Variants in PTK2B observed in about 807,000 individuals in gnomAD.
The protein encoded by PTK2B is protein tyrosine kinase 2 beta.
PTK2B carries 71 observed loss-of-function variants against 142.9 expected under a neutral mutation model. That is an observed-to-expected ratio of 0.50 (90% CI 0.41 to 0.61). The LOEUF (loss-of-function observed/expected upper bound fraction) is 0.61. Ranked by LOEUF, PTK2B falls within the 20% of genes least tolerant of loss-of-function variation. The probability of loss-of-function intolerance (pLI) is 0.00; values close to 1 mark genes in which losing one functional copy is unlikely to be tolerated. For synonymous variants in PTK2B, 519 were observed against 503.4 expected (o/e 1.03, Z -0.42); for missense variants, 1,105 against 1,320.4 (o/e 0.84, Z 2.53).
At chr8:27,350,993 ATATATATAT>A (rs1563210934) in intron 1 of PTK2B, among the ~76,000 whole-genome samples, 220 of 11,458 alleles carry the variant, frequency 0.019, 71 homozygotes, top group South Asian at 0.089. Context: ...AAAAAAAAAT[ATATATATAT>A]ATATATATAT....
intron 5 of PTK2B, among the ~76,000 whole-genome samples, chr8:27,428,244 A>C (rs1159060034): frequency 6.6e-6 from 1 of 152,242 alleles, no homozygotes; most frequent in Non-Finnish European, 1.5e-5. Flanking sequence ...GATGGGAGAC[A>C]GCTGTAAATA....
chr8:27,450,061 C>G (rs1479285877), intron 24 of PTK2B, among the ~76,000 whole-genome samples: 1 of 152,214 alleles, frequency 6.6e-6, no homozygotes, highest in East Asian at 1.9e-4. Flanking sequence ...TATTTTATCT[C>G]TTAGCTCATG....
At chr8:27,332,879 C>T (rs1586094859) in intron 1 of PTK2B, among the ~76,000 whole-genome samples, 2 of 152,310 alleles carry the variant, frequency 1.3e-5, no homozygotes, top group Non-Finnish European at 2.9e-5. Flanking sequence ...ACTTCTTCCC[C>T]CTAATTTGAG....
intron 24 of PTK2B, among the ~76,000 whole-genome samples, chr8:27,449,538 C>T (rs2132422132): frequency 6.6e-6 from 1 of 152,324 alleles, no homozygotes; most frequent in Non-Finnish European, 1.5e-5. Flanking sequence ...GACCTGTATG[C>T]AAATGGCCAC....
intron 1 of PTK2B, among the ~76,000 whole-genome samples, chr8:27,326,074 G>T (rs1012756919): frequency 6.6e-5 from 10 of 152,010 alleles, no homozygotes; most frequent in African/African-American, 2.4e-4. Flanking sequence ...GCTCCCTCCC[G>T]GGCCCTTCCG....
In PTK2B at chr8:27,451,430, G is replaced by A. The variant is rs1325717002; in HGVS notation, c.2524-55G>A. On this transcript the variant is annotated intron_variant, in intron 26 of 30. Transcript: ENST00000346049. ...TGGGGAATGGGTAACCAGGGAGGGG[G>A]TTGTCTCCACAGCCGCATGAGTGAC... 4.3e-6 allele frequency: 7 copies of A among 1,610,098 alleles called. No individual in the cohort carries two copies. In the Admixed American group the frequency reaches 6.7e-5, roughly 15 times the overall value.
chr8:27,352,904 G>A (rs1369452853), intron 1 of PTK2B, among the ~76,000 whole-genome samples: 1 of 152,168 alleles, frequency 6.6e-6, no homozygotes, highest in Non-Finnish European at 1.5e-5. Context: ...TTTATCAGCA[G>A]TGTGAAAATG....
intron 10 of PTK2B, 127 bp downstream of exon 10, chr8:27,432,488 G>T: frequency 1.2e-6 from 1 of 816,494 alleles, no homozygotes; most frequent in South Asian, 1.8e-5. Context: ...TTTGGGGATC[G>T]TGTTAAGAAA....
intron 2 of PTK2B, among the ~76,000 whole-genome samples, chr8:27,411,250 G>T (rs905271163): frequency 6.6e-6 from 1 of 152,172 alleles, no homozygotes; most frequent in African/African-American, 2.4e-5. Context: ...TGCTTGAGAA[G>T]CTGTTTACAT....
chr8:27,404,564 G>T (rs1182822272), intron 2 of PTK2B, among the ~76,000 whole-genome samples: 1 of 152,104 alleles, frequency 6.6e-6, no homozygotes, highest in African/African-American at 2.4e-5. Context: ...GGGTGGCCTT[G>T]GGCATTGCTT....
At chr8:27,453,199 G>T in intron 28 of PTK2B, 39 bp downstream of exon 28, 2 of 1,610,504 alleles carry the variant, frequency 1.2e-6, no homozygotes, top group South Asian at 2.2e-5. Context: ...AATGAGAGTG[G>T]GGGTTGCACA....
chr8:27,432,482 G>T (rs2132057341), intron 10 of PTK2B, 121 bp downstream of exon 10: 1 of 854,762 alleles, frequency 1.2e-6, no homozygotes, highest in East Asian at 2.7e-5. Flanking sequence ...CCTGGCTTTG[G>T]GGATCGTGTT....
intron 1 of PTK2B, among the ~76,000 whole-genome samples, chr8:27,333,500 C>T (rs761875217): frequency 4.6e-5 from 7 of 152,120 alleles, no homozygotes; most frequent in Non-Finnish European, 1.0e-4. Context: ...GAATAAATTG[C>T]GTAACTCAGA....
intron 14 of PTK2B, 23 bp from the exon 15 acceptor site, chr8:27,436,228 G>T (rs750224233): frequency 3.1e-6 from 5 of 1,611,064 alleles, no homozygotes; most frequent in Middle Eastern, 1.7e-4. Context: ...TGTGATCTGC[G>T]ACTGTTTTCT....
At chr8:27,431,780 C>A (rs1396952299) in intron 9 of PTK2B, among the ~76,000 whole-genome samples, 1 of 152,206 alleles carries the variant, frequency 6.6e-6, no homozygotes, top group Non-Finnish European at 1.5e-5. Flanking sequence ...AGGCATGATT[C>A]CCTTGGAAGT....
chr8:27,320,745 T>C (rs572442513), upstream of PTK2B, among the ~76,000 whole-genome samples: 6 of 152,228 alleles, frequency 3.9e-5, no homozygotes, highest in Admixed American at 2.6e-4. Context: ...CTCTGAACCA[T>C]GTTCTTTTGG....
chr8:27,454,326 G>C, intron 29 of PTK2B, 35 bp downstream of exon 29: 1 of 1,600,260 alleles, frequency 6.2e-7, no homozygotes, highest in Non-Finnish European at 8.5e-7. Context: ...GGTGGAGGCG[G>C]CTCAAGTCCG....
intron 1 of PTK2B, among the ~76,000 whole-genome samples, chr8:27,345,016 A>C (rs1308473369): frequency 6.6e-6 from 1 of 152,218 alleles, no homozygotes; most frequent in East Asian, 1.9e-4. Flanking sequence ...TATAAAAATT[A>C]GCCAGACATG....
At position 27,369,934 on chromosome 8, in the gene PTK2B, A is replaced by G. The variant is rs546293355; in HGVS notation, c.-37-27614A>G. ...GGAGGTTGCAGTGAGCTGAGATCAC[A>G]CCACTGCACTCCAGCCTGGGTGACA... is the stretch of plus-strand genomic sequence containing the variant. On this transcript the variant is annotated intron_variant, in intron 1 of 30. Coordinates refer to ENST00000346049, the MANE Select transcript of PTK2B (RefSeq NM_173176.3). 1.6e-4 allele frequency among the ~76,000 whole-genome samples: 24 copies of G among 150,020 alleles called. 1 individual carries two copies. The South Asian group carries it at 5.2e-3, about 32-fold the overall frequency.
Sources: gnomAD v4.1 joint callset for allele counts (sites outside exome capture counted in the v4.1 genomes callset) on GRCh38, gnomAD v4.1.1 for gene constraint, MANE v1.5 for transcripts, NCBI Gene and HGNC (gene_info 2026-07-23, HGNC 2026-07-21) for gene names.